Variants in ENTHD1 observed in about 807,000 individuals in gnomAD.
ENTHD1 encodes ENTH domain containing 1, also known as ENTH domain-containing protein 1.
Under a neutral mutation model 39.1 loss-of-function variants are expected in ENTHD1, and 23 were observed. The observed-to-expected ratio is 0.59, with a 90% CI of 0.42 to 0.83. The LOEUF (loss-of-function observed/expected upper bound fraction) is 0.83. ENTHD1 is among the 40% of genes least tolerant of loss of function. ENTHD1 has a pLI of 0.00. For missense variants in ENTHD1, 624 were observed against 705.4 expected (o/e 0.88, Z 1.31); for synonymous variants, 230 against 258.2 (o/e 0.89, Z 1.05).
chr22:39,843,797 G>A (rs951671337), intron 3 of ENTHD1, among the ~76,000 whole-genome samples: 3 of 152,050 alleles, frequency 2.0e-5, no homozygotes, highest in South Asian at 4.1e-4. Context: ...TTAGCTAGGG[G>A]GCATGACCTT....
chr22:39,877,751 C>G (rs545653233), intron 2 of ENTHD1, among the ~76,000 whole-genome samples: 6 of 152,240 alleles, frequency 3.9e-5, no homozygotes, highest in Admixed American at 3.9e-4. Flanking sequence ...CAAGTTCTGC[C>G]CTTAGGAGAA....
At chr22:39,775,881 A>AGG (rs2065361557) in intron 5 of ENTHD1, among the ~76,000 whole-genome samples, 1 of 152,152 alleles carries the variant, frequency 6.6e-6, no homozygotes, top group Admixed American at 6.5e-5. Flanking sequence ...GGAGAACTGC[A>AGG]ATGAATACTG....
At chr22:39,882,306 A>G (rs1000959119) in intron 2 of ENTHD1, among the ~76,000 whole-genome samples, 3 of 152,194 alleles carry the variant, frequency 2.0e-5, no homozygotes, top group African/African-American at 7.2e-5. Flanking sequence ...CTGCCCATTG[A>G]GGGAAAGAGT....
intron 5 of ENTHD1, among the ~76,000 whole-genome samples, chr22:39,773,348 C>T (rs1286656178): frequency 1.3e-5 from 2 of 152,058 alleles, no homozygotes; most frequent in East Asian, 3.9e-4. Context: ...CGTGCAGGTA[C>T]ACATGGTCTA....
intron 2 of ENTHD1, 130 bp downstream of exon 2, chr22:39,887,270 G>C: frequency 2.7e-6 from 2 of 745,438 alleles, no homozygotes; most frequent in African/African-American, 1.8e-5. Flanking sequence ...GCTATTCACA[G>C]GTGCAATCTT....
At chr22:39,819,287 C>G (rs946699127) in intron 5 of ENTHD1, among the ~76,000 whole-genome samples, 3 of 152,010 alleles carry the variant, frequency 2.0e-5, no homozygotes, top group African/African-American at 4.8e-5. Context: ...ATCGCTTGAA[C>G]CCGGGAGGTG....
At chr22:39,764,666 GGCTT>G (rs1488164335) in intron 6 of ENTHD1, among the ~76,000 whole-genome samples, 1 of 151,302 alleles carries the variant, frequency 6.6e-6, no homozygotes, top group Non-Finnish European at 1.5e-5. Context: ...AATCTCAACT[GGCTT>G]TATCCTTTAT....
chr22:39,866,599 C>T (rs1391516254), intron 2 of ENTHD1, among the ~76,000 whole-genome samples: 1 of 152,186 alleles, frequency 6.6e-6, no homozygotes, highest in Admixed American at 6.5e-5. Flanking sequence ...AGACAGGGAA[C>T]AGCTCCAATT....
chr22:39,870,426 G>A (rs1346258218), intron 2 of ENTHD1, among the ~76,000 whole-genome samples: 1 of 152,050 alleles, frequency 6.6e-6, no homozygotes, highest in Non-Finnish European at 1.5e-5. Context: ...TCGTCTAGAG[G>A]AAGTTTCAAA....
chr22:39,807,174 C>A (rs1007447582), intron 5 of ENTHD1, among the ~76,000 whole-genome samples: 7 of 152,270 alleles, frequency 4.6e-5, no homozygotes, highest in Middle Eastern at 3.4e-3. Context: ...CCCTAACTTG[C>A]TCACCTCCAG....
chr22:39,788,741 AT>A (rs1213516063), intron 5 of ENTHD1, among the ~76,000 whole-genome samples: 2 of 151,862 alleles, frequency 1.3e-5, no homozygotes, highest in Middle Eastern at 3.4e-3. Flanking sequence ...TCATCATCTC[AT>A]TTTTTTTAAT....
Position 39,887,828 on chromosome 22 carries a change from G to T in ENTHD1, c.-80C>A. 2 of 1,028,858 alleles carry T rather than the reference G, an allele frequency of 1.9e-6. No homozygotes were observed. Among genetic ancestry groups the T allele is most frequent in the South Asian group, 3.4e-5 (2 of 59,044 alleles). The allele number at this position is 1,028,858 out of a possible 1,614,324, so 63.7% of individuals were successfully genotyped here. ...TATGTCACGGGTTTATAAAACTCTTGACAGGTAATTGGTCCCCAGTTCTGC... is the reference window on the plus strand; with the variant it reads ...TATGTCACGGGTTTATAAAACTCTTTACAGGTAATTGGTCCCCAGTTCTGC... On this transcript the variant is annotated 5_prime_UTR_variant, in exon 2 of 7. Coordinates refer to ENST00000325157, the MANE Select transcript of ENTHD1 (RefSeq NM_152512.4).
At chr22:39,753,148 T>C (rs2065159860) in intron 6 of ENTHD1, among the ~76,000 whole-genome samples, 2 of 152,296 alleles carry the variant, frequency 1.3e-5, no homozygotes, top group East Asian at 1.9e-4. Flanking sequence ...TATGAGAAAG[T>C]GTAGAATACT....
intron 3 of ENTHD1, among the ~76,000 whole-genome samples, chr22:39,838,797 T>C (rs1450579377): frequency 6.6e-6 from 1 of 152,128 alleles, no homozygotes; most frequent in Non-Finnish European, 1.5e-5. Flanking sequence ...CAATTTTATA[T>C]CTATTTGATG....
chr22:39,763,441 T>G (rs531590590), intron 6 of ENTHD1, among the ~76,000 whole-genome samples: 1 of 152,150 alleles, frequency 6.6e-6, no homozygotes, highest in African/African-American at 2.4e-5. Flanking sequence ...CCTGACACCT[T>G]GAAAGCTCAA....
At chr22:39,773,294 C>T (rs1285420543) in intron 5 of ENTHD1, among the ~76,000 whole-genome samples, 1 of 152,104 alleles carries the variant, frequency 6.6e-6, no homozygotes, top group Non-Finnish European at 1.5e-5. Flanking sequence ...ACCTAACAGA[C>T]ATTTATAAAG....
chr22:39,874,133 A>G (rs1278911954), intron 2 of ENTHD1: 1 of 152,206 alleles, frequency 6.6e-6, no homozygotes, highest in Non-Finnish European at 1.5e-5. Context: ...CACTATCATG[A>G]GAACAGCACA....
chr22:39,849,622 TTTTG>T (rs1310222853), intron 3 of ENTHD1, among the ~76,000 whole-genome samples: 1 of 152,220 alleles, frequency 6.6e-6, no homozygotes, highest in Non-Finnish European at 1.5e-5. Flanking sequence ...TTTGTACTTC[TTTTG>T]TAAGACTTAT....
chr22:39,754,983 T>C (rs2065173933), intron 6 of ENTHD1, among the ~76,000 whole-genome samples: 1 of 152,222 alleles, frequency 6.6e-6, no homozygotes, highest in African/African-American at 2.4e-5. Flanking sequence ...CTACCGCTTC[T>C]TCATGCACAT....
Sources: gnomAD v4.1 joint callset for allele counts (sites outside exome capture counted in the v4.1 genomes callset) on GRCh38, gnomAD v4.1.1 for gene constraint, MANE v1.5 for transcripts, NCBI Gene and HGNC (gene_info 2026-07-23, HGNC 2026-07-21) for gene names.